The following LVRN variants were observed in gnomAD, a reference collection of about 807,000 sequenced individuals.
LVRN encodes the protein laeverin.
In LVRN, 99 loss-of-function variants were observed where a neutral mutation model predicts 111.4. The observed-to-expected ratio is 0.89, with a 90% CI of 0.76 to 1.05. The LOEUF (loss-of-function observed/expected upper bound fraction) is 1.05. Ranked by LOEUF, LVRN falls within the 50% of genes least tolerant of loss-of-function variation. The probability of loss-of-function intolerance (pLI) is 0.00; values close to 1 mark genes in which losing one functional copy is unlikely to be tolerated. For synonymous variants in LVRN, 488 were observed against 449.5 expected (o/e 1.09, Z -1.08); for missense variants, 1,414 against 1,206.8 (o/e 1.17, Z -2.54).
In LVRN at chr5:115,962,801, C is replaced by G; in HGVS notation, c.184C>G (p.Leu62Val). ...CTTGGAAGCCGAGTCTTCCCCTCCC[C>G]TCAGGCAGAAGCCGACGCCAACCCC... is the stretch of plus-strand genomic sequence containing the variant. ...RDLEAESSPP[L>V]RQKPTPTPKP... Residue 62 changes from leucine (L) to valine (V), a missense_variant, in exon 1 of 20, where the codon CTC (leucine) becomes GTC (valine). Coordinates refer to ENST00000357872, the MANE Select transcript of LVRN (RefSeq NM_173800.5). 1.2e-6 allele frequency: 2 copies of G among 1,611,888 alleles called. No homozygotes were observed. Among genetic ancestry groups the G allele is most frequent in the Non-Finnish European group, 1.7e-6 (2 of 1,179,144 alleles).
intron 1 of LVRN, among the ~76,000 whole-genome samples, chr5:115,973,086 G>T (rs10477547): frequency 4.4e-4 from 67 of 151,818 alleles, no homozygotes; most frequent in Non-Finnish European, 1.3e-4. Context: ...ATGCTGCCAT[G>T]CCTAGCTGAT....
Position 115,985,680 on chromosome 5 carries a change from A to G in LVRN, c.978+971A>G, listed in dbSNP as rs377463694. ...CTGCCATGTTCTTCAGTTCTGGAGC[A>G]TGCAACACTTTTTCTGAGTTGTGTA... is the stretch of plus-strand genomic sequence containing the variant. On this transcript the variant is annotated intron_variant, in intron 3 of 19. Transcript: ENST00000357872. Among the ~76,000 whole-genome samples, 24 of 152,350 alleles carry G rather than the reference A, an allele frequency of 1.6e-4. 1 individual carries two copies. The East Asian group carries it at 2.1e-3, about 13-fold the overall frequency.
intron 3 of LVRN, among the ~76,000 whole-genome samples, chr5:115,986,520 A>C (rs1427533871): frequency 6.6e-6 from 1 of 152,218 alleles, no homozygotes; most frequent in Non-Finnish European, 1.5e-5. Flanking sequence ...TCATGTTCTT[A>C]GCCAGCACAC....
In LVRN at chr5:116,012,470, T is replaced by C; in HGVS notation, c.2342+2T>C. The C allele has an allele frequency of 1.3e-6, 2 of 1,504,012 alleles. No individual in the cohort carries two copies. The highest frequency in any genetic ancestry group is 1.8e-6 in the Non-Finnish European group (2 of 1,098,806). 93.2% of individuals were successfully genotyped at this position (1,504,012 alleles called of 1,614,324 possible). On this transcript the variant is annotated splice_donor_variant, in intron 15 of 19. Coordinates refer to ENST00000357872, the MANE Select transcript of LVRN (RefSeq NM_173800.5). LOFTEE classifies it high-confidence loss of function. ...ATTACAAGATGACTACTTAGCTCTG[T>C]AAGTATGTTTTCAGAAGTGATAATT...
chr5:115,977,375 T>A (rs1435461225), intron 1 of LVRN, among the ~76,000 whole-genome samples: 1 of 152,206 alleles, frequency 6.6e-6, no homozygotes, highest in African/African-American at 2.4e-5. Context: ...ATTGTAGCAT[T>A]TGCTTTGCTT....
chr5:115,998,665 G>C (rs889360626), intron 6 of LVRN, among the ~76,000 whole-genome samples: 2 of 152,096 alleles, frequency 1.3e-5, no homozygotes, highest in African/African-American at 4.8e-5. Flanking sequence ...CTTGCTACTC[G>C]GTGTGATTCT....
At chr5:116,017,074 G>T (rs1429415072) in intron 18 of LVRN, among the ~76,000 whole-genome samples, 1 of 152,192 alleles carries the variant, frequency 6.6e-6, no homozygotes, top group Non-Finnish European at 1.5e-5. Flanking sequence ...GGCTTTTGGG[G>T]ATTTAAGGGG....
At chr5:115,966,845 G>T (rs866558977) in intron 1 of LVRN, among the ~76,000 whole-genome samples, 1 of 152,280 alleles carries the variant, frequency 6.6e-6, no homozygotes, top group South Asian at 2.1e-4. Flanking sequence ...GTCCTGATAG[G>T]TGTATGGTAA....
In LVRN at chr5:116,002,217, T is replaced by C. The variant is rs111257818; in HGVS notation, c.1821-618T>C. Among the ~76,000 whole-genome samples the C allele has an allele frequency of 7.1e-3, 1,085 of 152,304 alleles. 15 individuals carry two copies. Among genetic ancestry groups the C allele is most frequent in the African/African-American group, 0.024 (986 of 41,556 alleles). On this transcript the variant is annotated intron_variant, in intron 10 of 19. Coordinates refer to ENST00000357872, the MANE Select transcript of LVRN (RefSeq NM_173800.5). Reference sequence around the variant, plus strand: ...GTTGACAGTCTTCAAGACACCAGGCTTGTGGGAACTTAACAAGATTGGAAA... The same window carrying C: ...GTTGACAGTCTTCAAGACACCAGGCCTGTGGGAACTTAACAAGATTGGAAA...
intron 1 of LVRN, among the ~76,000 whole-genome samples, chr5:115,979,658 T>A (rs1170742237): frequency 6.6e-6 from 1 of 152,210 alleles, no homozygotes; most frequent in African/African-American, 2.4e-5. Flanking sequence ...GTTTTCAGAT[T>A]CTATTACACA....
chr5:115,963,645 A>G (rs1445709), intron 1 of LVRN, among the ~76,000 whole-genome samples: 123,727 of 152,114 alleles, frequency 0.81, 50,546 homozygotes, highest in African/African-American at 0.84. Flanking sequence ...ACCCATAGGT[A>G]GGAATTGAAC....
chr5:115,962,698 G>T lies in LVRN; in HGVS notation c.81G>T (p.Leu27=), dbSNP rs1380024079. 13 of 1,610,632 alleles carry T rather than the reference G, an allele frequency of 8.1e-6. No homozygotes were observed. Among genetic ancestry groups the T allele is most frequent in the Non-Finnish European group, 1.1e-5 (13 of 1,179,500 alleles). Residue 27 remains leucine (L), a synonymous_variant, in exon 1 of 20, where the codon CTG becomes CTT. Coordinates refer to ENST00000357872, the MANE Select transcript of LVRN (RefSeq NM_173800.5). ...LLLAGLVAAL[L]LALAVLAALY... The stretch of plus-strand genomic sequence containing the variant: ...TGGCTGGGCTGGTAGCCGCCCTCCT[G>T]CTGGCGCTGGCCGTACTCGCCGCCT...
At chr5:116,002,159 T>C (rs1580391972) in intron 10 of LVRN, among the ~76,000 whole-genome samples, 1 of 152,250 alleles carries the variant, frequency 6.6e-6, no homozygotes, top group Non-Finnish European at 1.5e-5. Flanking sequence ...AAGACCTGTG[T>C]GTCTTAGCTA....
chr5:116,014,671 T>C lies in LVRN; in HGVS notation c.2450+144T>C, dbSNP rs1748562492. 4.4e-6 allele frequency: 3 copies of C among 675,916 alleles called. No homozygotes were observed. The South Asian group carries it at 5.1e-5, about 12-fold the overall frequency. The allele number at this position is 675,916 out of a possible 1,614,324, so 41.9% of individuals were successfully genotyped here. On this transcript the variant is annotated intron_variant, in intron 16 of 19. Coordinates refer to ENST00000357872, the MANE Select transcript of LVRN (RefSeq NM_173800.5). ...CCTACTATTCTTTTCAAATACCTTT[T>C]TTAAAAAACCAGTGTTTAATGTGGG...
At chr5:115,975,217 AT>A in intron 1 of LVRN, 1 of 485,840 alleles carries the variant, frequency 2.1e-6, no homozygotes, top group Non-Finnish European at 4.1e-6. Context: ...CAAAATCTTC[AT>A]TATCTTGGGT....
chr5:116,015,219 A>G (rs375126550), intron 16 of LVRN, 33 bp from the exon 17 acceptor site: 13 of 1,492,336 alleles, frequency 8.7e-6, no homozygotes, highest in African/African-American at 7.2e-5. Flanking sequence ...CATAACTACT[A>G]TGAAAAATAT....
chr5:115,990,493 C>G (rs899265315), intron 4 of LVRN, among the ~76,000 whole-genome samples: 1 of 152,078 alleles, frequency 6.6e-6, no homozygotes, highest in Admixed American at 6.5e-5. Context: ...GTGGTATATG[C>G]TTTAAATATT....
chr5:115,994,121 T>C (rs539355404), intron 6 of LVRN, among the ~76,000 whole-genome samples: 1 of 152,276 alleles, frequency 6.6e-6, no homozygotes, highest in Non-Finnish European at 1.5e-5. Flanking sequence ...TACATATTCA[T>C]ATTTCTACTT....
chr5:116,019,572 T>C (rs1748670880), intron 18 of LVRN, among the ~76,000 whole-genome samples: 1 of 152,274 alleles, frequency 6.6e-6, no homozygotes, highest in Non-Finnish European at 1.5e-5. Context: ...GTTGCTTTTT[T>C]ATGAAAATGT....
Sources: gnomAD v4.1 joint callset for allele counts (sites outside exome capture counted in the v4.1 genomes callset) on GRCh38, gnomAD v4.1.1 for gene constraint, MANE v1.5 for transcripts, NCBI Gene and HGNC (gene_info 2026-07-23, HGNC 2026-07-21) for gene names.